The following SLC26A6 variants were observed in gnomAD, a reference collection of about 807,000 sequenced individuals.
SLC26A6 encodes anion exchange transporter.
Under a neutral mutation model 87.1 loss-of-function variants are expected in SLC26A6, and 67 were observed. That is an observed-to-expected ratio of 0.77 (90% CI 0.63 to 0.94). The LOEUF (loss-of-function observed/expected upper bound fraction) is 0.94. Among genes scored for constraint, SLC26A6 ranks in the 40% least tolerant of loss-of-function variants. The probability of loss-of-function intolerance (pLI) is 0.00; values close to 1 mark genes in which losing one functional copy is unlikely to be tolerated. For missense variants in SLC26A6, 902 were observed against 973.0 expected, an observed-to-expected ratio of 0.93 and a Z score of 0.97; for synonymous variants, 414 against 405.9, an observed-to-expected ratio of 1.02 and a Z score of -0.24.
Position 48,628,702 on chromosome 3 carries a change from G to T in SLC26A6, c.1612C>A (p.Arg538=). 1 of 1,613,296 alleles carries T rather than the reference G, an allele frequency of 6.2e-7. No homozygotes were observed. The highest frequency in any genetic ancestry group is 8.5e-7 in the Non-Finnish European group (1 of 1,179,758). Residue 538 remains arginine (R), a synonymous_variant, in exon 15 of 21, where the codon CGG becomes AGG. Transcript: ENST00000395550. The surrounding 1 kb of genome is among the most constrained non-coding windows in gnomAD (Gnocchi z 4.4). ...GAGGAGCGGAAGACCTTCACCCCCC[G>T]GACTTCCTTGGCCTGGGGATGAGGC... ...VAEYSEAKEV[R]GVKVFRSSAT... is the part of the protein sequence containing the mutation.
At position 48,633,084 on chromosome 3, in the gene SLC26A6, C is replaced by A; in HGVS notation, c.323G>T (p.Gly108Val). 1 of 1,611,102 alleles carries A rather than the reference C, an allele frequency of 6.2e-7. No individual in the cohort carries two copies. Among genetic ancestry groups the A allele is most frequent in the Admixed American group, 1.7e-5 (1 of 59,696 alleles). The change falls in exon 4 of 21, where the codon GGC (glycine) becomes GTC (valine). Residue 108 changes from glycine (G) to valine (V), a missense_variant and splice_region_variant. Gly to Val is a moderately radical substitution (Grantham distance 109, BLOSUM62 -3). This residue lies in a region of SLC26A6 where 800 missense variants were observed against 856.8 expected (regional missense o/e 0.93). Transcript: ENST00000395550. Reference sequence around the variant, plus strand: ...TCCAGCCAGGAGGGCGTAGGCCAAGCCTAGGGGTAGAATGGTAGCAGTGCA... The same window carrying A: ...TCCAGCCAGGAGGGCGTAGGCCAAGACTAGGGGTAGAATGGTAGCAGTGCA... The part of the protein sequence containing the change: ...LSVAIMQLPQ[G>V]LAYALLAGLP...
rs1559467922 is a variant in SLC26A6 at position 48,631,014 on chromosome 3, G to T, written c.1113C>A (p.Gly371=). The T allele has an allele frequency of 6.2e-7, 1 of 1,613,836 alleles. No individual in the cohort carries two copies. The highest frequency in any genetic ancestry group is 8.5e-7 in the Non-Finnish European group (1 of 1,180,034). Reference sequence around the variant, plus strand: ...AGACCTGGTTGCTGTCCACCCGGTAGCCGTGCCTCAGGGCGAAGATCTTCC... The same window carrying T: ...AGACCTGGTTGCTGTCCACCCGGTATCCGTGCCTCAGGGCGAAGATCTTCC... ...SLGKIFALRH[G]YRVDSNQELV... is the part of the protein sequence containing the mutation. The change falls in exon 9 of 21, where the codon GGC becomes GGA. Residue 371 remains glycine, a synonymous_variant. Coordinates refer to ENST00000395550, the MANE Select transcript of SLC26A6 (RefSeq NM_022911.3).
chr3:48,626,225 G>T lies in SLC26A6; in HGVS notation c.2258C>A (p.Pro753His). 1 of 1,614,094 alleles carries T rather than the reference G, an allele frequency of 6.2e-7. No homozygotes were observed. Among genetic ancestry groups the T allele is most frequent in the East Asian group, 2.2e-5 (1 of 44,872 alleles). Residue 753 changes from proline (P) to histidine (H), a missense_variant, in exon 20 of 21, where the codon CCT (proline) becomes CAT (histidine). Physicochemically the swap from Pro to His is moderately conservative, Grantham distance 77 (BLOSUM62 -2). This residue lies in a region of SLC26A6 where 99 missense variants were observed against 100.1 expected (regional missense o/e 0.99). Transcript: ENST00000395550. The part of the protein sequence containing the change: ...LQHPRPVPDS[P>H]VSVTRL ...GGCCAGAGGTAGGCTCACCGAAACAGGGCTGTCGGGGACAGGCCTCGGGTG... is the reference window on the plus strand; with the variant it reads ...GGCCAGAGGTAGGCTCACCGAAACATGGCTGTCGGGGACAGGCCTCGGGTG...
intron 17 of SLC26A6, chr3:48,627,256 G>A (rs2046651443): frequency 1.1e-5 from 7 of 624,260 alleles, no homozygotes; most frequent in African/African-American, 5.5e-5. Context: ...ACACCCAGAT[G>A]TGCATATACT....
rs1227658065 is a variant in SLC26A6 at position 48,628,296 on chromosome 3, G to A, written c.1800+138C>T. ...AGCCCGGACCTGCTAGGGGAGTGAA[G>A]CAGGGTCCCTGGGAGCATGAGGGAG... On this transcript the variant is annotated intron_variant, in intron 16 of 20. Transcript: ENST00000395550. This position sits in a 1 kb window ranked among gnomAD's most constrained non-coding sequence, Gnocchi z 4.4. The A allele has an allele frequency of 8.4e-7, 1 of 1,192,558 alleles. No individual in the cohort carries two copies. Among genetic ancestry groups the A allele is most frequent in the Non-Finnish European group, 1.2e-6 (1 of 844,596 alleles). The allele number at this position is 1,192,558 out of a possible 1,614,324, so 73.9% of individuals were successfully genotyped here.
rs773537326 is a variant in SLC26A6, at chr3:48,628,365, G to A, written c.1800+69C>T. On this transcript the variant is annotated intron_variant, in intron 16 of 20. Transcript: ENST00000395550. The surrounding 1 kb of genome is among the most constrained non-coding windows in gnomAD (Gnocchi z 4.4). ...AGTGAGGACGAGGGAGGAGTCGGGGGCCAGGAGAAAGGCTGGGGCAGGGAA... is the reference window on the plus strand; with the variant it reads ...AGTGAGGACGAGGGAGGAGTCGGGGACCAGGAGAAAGGCTGGGGCAGGGAA... 2 of 1,590,008 alleles carry A rather than the reference G, an allele frequency of 1.3e-6. No individual in the cohort carries two copies. The highest frequency in any genetic ancestry group is 1.7e-5 in the Admixed American group (1 of 59,034).
At position 48,627,828 on chromosome 3, in the gene SLC26A6, A is replaced by G. The variant is rs542421695; in HGVS notation, c.1893+118T>C. ...ACCCAGCCTCCCCACTCCTCCTGCC[A>G]TCGGCGCAACACCCTCGAGCCCACA... On this transcript the variant is annotated intron_variant, in intron 17 of 20. Transcript: ENST00000395550. The G allele has an allele frequency of 1.2e-5, 11 of 889,742 alleles. 1 individual carries two copies. The highest frequency in any genetic ancestry group is 1.1e-4 in the African/African-American group (6 of 56,846). 55.1% of individuals were successfully genotyped at this position (889,742 alleles called of 1,614,324 possible). A position where few individuals can be genotyped will look rare whatever the true frequency, so the allele number is the denominator to read the frequency against.
chr3:48,633,277 C>T lies in SLC26A6; in HGVS notation c.296G>A (p.Ser99Asn), dbSNP rs758753672. 1 of 1,613,254 alleles carries T rather than the reference C, an allele frequency of 6.2e-7. No individual in the cohort carries two copies. Among genetic ancestry groups the T allele is most frequent in the African/African-American group, 1.3e-5 (1 of 74,948 alleles). ...CTGCGGAAGCTGCATGATGGCCACACTCAGGCCGGATAACAGGTCACCCAG... is the reference window on the plus strand; with the variant it reads ...CTGCGGAAGCTGCATGATGGCCACATTCAGGCCGGATAACAGGTCACCCAG... ...WLLGDLLSGL[S>N]VAIMQLPQGL... Residue 99 changes from serine to asparagine, a missense_variant, in exon 3 of 21, where the codon AGT becomes AAT. Transcript: ENST00000395550.
intron 4 of SLC26A6, 125 bp from the exon 5 acceptor site, chr3:48,632,521 T>C: frequency 3.0e-6 from 4 of 1,349,696 alleles, no homozygotes; most frequent in Non-Finnish European, 3.1e-6. Context: ...TATGGCTGCA[T>C]GAACAGGGAC....
intron 1 of SLC26A6, 145 bp downstream of exon 1, chr3:48,635,226 G>T: frequency 8.5e-7 from 1 of 1,181,478 alleles, no homozygotes; most frequent in South Asian, 1.4e-5. Flanking sequence ...TGCTGCAGAG[G>T]GGCAGCCGCC....
At position 48,632,383 on chromosome 3, in the gene SLC26A6, G is replaced by T; in HGVS notation, c.447C>A (p.Val149=). 1.2e-6 allele frequency: 2 copies of T among 1,608,460 alleles called. No homozygotes were observed. The highest frequency in any genetic ancestry group is 1.7e-6 in the Non-Finnish European group (2 of 1,177,126). The change falls in exon 5 of 21, where the codon GTC becomes GTA. Residue 149 remains valine, a synonymous_variant. Coordinates refer to ENST00000395550, the MANE Select transcript of SLC26A6 (RefSeq NM_022911.3). ...TCACACTGCCCACCATCACAGACAT[G>T]ACAGCAAAGGTCCCTGTAAGGACGG... is the stretch of plus-strand genomic sequence containing the variant. ...SRHISVGTFA[V]MSVMVGSVTE...
Position 48,628,008 on chromosome 3 carries a change from T to A in SLC26A6, c.1831A>T (p.Ile611Phe), listed in dbSNP as rs763003736. ...TCTTCAAGGCTGGTGTTGACATTAATGGAAACTGAGGCGCCCTTGGGGGAG... is the reference window on the plus strand; with the variant it reads ...TCTTCAAGGCTGGTGTTGACATTAAAGGAAACTGAGGCGCCCTTGGGGGAG... ...AASPKGASVS[I>F]NVNTSLEDMR... The change falls in exon 17 of 21, where the codon ATT (isoleucine) becomes TTT (phenylalanine). Residue 611 changes from isoleucine to phenylalanine, a missense_variant. Transcript: ENST00000395550. The surrounding 1 kb of genome is among the most constrained non-coding windows in gnomAD (Gnocchi z 4.4). 10 of 1,590,356 alleles carry A rather than the reference T, an allele frequency of 6.3e-6. No homozygotes were observed. The highest frequency in any genetic ancestry group is 8.5e-6 in the Non-Finnish European group (10 of 1,172,676).
At chr3:48,633,135 A>T (rs2046857366) in intron 3 of SLC26A6, 51 bp from the exon 4 acceptor site, 3 of 1,587,942 alleles carry the variant, frequency 1.9e-6, no homozygotes, top group Non-Finnish European at 2.6e-6. Flanking sequence ...TCTTGAAACG[A>T]TAAGGGAATC....
At chr3:48,635,260 C>T (rs1305077058) in intron 1 of SLC26A6, 111 bp downstream of exon 1, 1 of 1,398,598 alleles carries the variant, frequency 7.2e-7, no homozygotes, top group Non-Finnish European at 9.8e-7. Flanking sequence ...CAGAGGTAAA[C>T]CGAGGCGTCG....
chr3:48,630,189 TGAGGGCACCC>T, intron 11 of SLC26A6, 32 bp from the exon 12 acceptor site: 1 of 1,597,298 alleles, frequency 6.3e-7, no homozygotes, highest in Middle Eastern at 1.8e-4. Flanking sequence ...CAGGGGCCAT[TGAGGGCACCC>T]GATGCTGACA....
chr3:48,627,360 C>T (rs2046654219), intron 17 of SLC26A6: 1 of 378,150 alleles, frequency 2.6e-6, no homozygotes, highest in Non-Finnish European at 4.8e-6. Flanking sequence ...GGAGGGGGCC[C>T]AGGAGCAGGC....
At position 48,626,208 on chromosome 3, in the gene SLC26A6, G is replaced by T; in HGVS notation, c.2265+10C>A. On this transcript the variant is annotated intron_variant, in intron 20 of 20. Transcript: ENST00000395550. ...CAAAAAAGAGCTTGGCAGGCCAGAG[G>T]TAGGCTCACCGAAACAGGGCTGTCG... 6.2e-7 allele frequency: 1 copy of T among 1,614,092 alleles called. No individual in the cohort carries two copies. Among genetic ancestry groups the T allele is most frequent in the Non-Finnish European group, 8.5e-7 (1 of 1,180,006 alleles).
Position 48,628,259 on chromosome 3 carries a change from A to G in SLC26A6, c.1800+175T>C, listed in dbSNP as rs1027314286. 1.3e-5 allele frequency: 11 copies of G among 849,948 alleles called. No individual in the cohort carries two copies. In the African/African-American group the frequency reaches 1.7e-4, roughly 13 times the overall value. 52.7% of individuals were successfully genotyped at this position (849,948 alleles called of 1,614,324 possible). On this transcript the variant is annotated intron_variant, in intron 16 of 20. Coordinates refer to ENST00000395550, the MANE Select transcript of SLC26A6 (RefSeq NM_022911.3). This position sits in a 1 kb window ranked among gnomAD's most constrained non-coding sequence, Gnocchi z 4.4. ...CACTGGTTCAGATGATGGGAGAGAA[A>G]ATGCTGCCTAGAGCCCGGACCTGCT...
Position 48,628,755 on chromosome 3 carries a change from C to T in SLC26A6, c.1600-41G>A, listed in dbSNP as rs759025173. 9 of 1,595,568 alleles carry T rather than the reference C, an allele frequency of 5.6e-6. No homozygotes were observed. Among genetic ancestry groups the T allele is most frequent in the Middle Eastern group, 1.9e-4 (1 of 5,192 alleles). On this transcript the variant is annotated intron_variant, in intron 14 of 20. Transcript: ENST00000395550. This position sits in a 1 kb window ranked among gnomAD's most constrained non-coding sequence, Gnocchi z 4.4. ...AACTGGTGGTGGCTGAATCTCCTCTCTCCTGGCTGCATCCTGTTCTCCTGC... is the reference window on the plus strand; with the variant it reads ...AACTGGTGGTGGCTGAATCTCCTCTTTCCTGGCTGCATCCTGTTCTCCTGC...
Sources: gnomAD v4.1 joint callset for allele counts on GRCh38, gnomAD v4.1.1 for gene constraint, gnomAD v4.1.1 regional missense constraint, Gnocchi (gnomAD v3.1) non-coding constraint, MANE v1.5 for transcripts, NCBI Gene and HGNC (gene_info 2026-07-23, HGNC 2026-07-21) for gene names.